PALM2AKAP2: variants seen among roughly 807,000 people sequenced by gnomAD.
PALM2AKAP2 encodes PALM2-AKAP2 fusion protein.
In PALM2AKAP2, 37 loss-of-function variants were observed where a neutral mutation model predicts 71.5. That is an observed-to-expected ratio of 0.52 (90% CI 0.40 to 0.68). The LOEUF (loss-of-function observed/expected upper bound fraction) is 0.68. PALM2AKAP2 is among the 30% of genes least tolerant of loss of function. The pLI is 0.00. For missense variants in PALM2AKAP2, 1,224 were observed against 1,191.8 expected, an observed-to-expected ratio of 1.03 and a Z score of -0.40; for synonymous variants, 468 against 478.8, an observed-to-expected ratio of 0.98 and a Z score of 0.29.
chr9:109,803,476 C>T (rs527786693), intron 1 of PALM2AKAP2, among the ~76,000 whole-genome samples: 1 of 152,184 alleles, frequency 6.6e-6, no homozygotes, highest in Non-Finnish European at 1.5e-5. Flanking sequence ...TAGGAGCCCT[C>T]AAGATCATCT....
chr9:109,994,543 T>G (rs552258369), intron 6 of PALM2AKAP2, among the ~76,000 whole-genome samples: 1 of 152,258 alleles, frequency 6.6e-6, no homozygotes, highest in African/African-American at 2.4e-5. Context: ...CCACAGCAGT[T>G]TAGACTCAAA....
chr9:109,954,699 A>C (rs1331856492), intron 6 of PALM2AKAP2, among the ~76,000 whole-genome samples: 1 of 150,054 alleles, frequency 6.7e-6, no homozygotes, highest in Non-Finnish European at 1.5e-5. Context: ...AGGTTGCAAG[A>C]TCTTAAGTGA....
intron 1 of PALM2AKAP2, among the ~76,000 whole-genome samples, chr9:110,115,911 T>C (rs1451453697): frequency 6.6e-6 from 1 of 152,224 alleles, no homozygotes; most frequent in East Asian, 1.9e-4. Context: ...AATGATTTCA[T>C]CGAAAAAGCA....
chr9:109,768,275 T>C (rs923063045), intron 1 of PALM2AKAP2, among the ~76,000 whole-genome samples: 3 of 152,152 alleles, frequency 2.0e-5, no homozygotes, highest in Non-Finnish European at 4.4e-5. Context: ...TTTTAATGTT[T>C]GTTATCTGAG....
rs548832780 is a variant in PALM2AKAP2, at chr9:109,757,498, A to G, written c.6-22990A>G. Among the ~76,000 whole-genome samples the G allele has an allele frequency of 2.0e-4, 30 of 152,276 alleles. No individual in the cohort carries two copies. The East Asian group carries it at 5.6e-3, about 28-fold the overall frequency. ...TTTGTGAAAAAATCCAAAGGCAAAG[A>G]GAGAGGCAGGTCTGCCCCATACAGA... On this transcript the variant is annotated intron_variant, in intron 1 of 6. Coordinates refer to the PALM2AKAP2 transcript ENST00000374531.
intron 6 of PALM2AKAP2, among the ~76,000 whole-genome samples, chr9:109,983,671 C>G (rs948179314): frequency 6.6e-6 from 1 of 151,902 alleles, no homozygotes; most frequent in African/African-American, 2.4e-5. Context: ...TCGAGACCAG[C>G]CTGACCAACA....
chr9:110,143,432 A>T (rs1488897935), intron 2 of PALM2AKAP2, among the ~76,000 whole-genome samples: 2 of 149,592 alleles, frequency 1.3e-5, no homozygotes, highest in Admixed American at 1.3e-4. Context: ...AAAAAAAAAA[A>T]GGAGAGAGAG....
At chr9:110,035,172 A>T (rs552573780) in intron 7 of PALM2AKAP2, among the ~76,000 whole-genome samples, 39 of 147,772 alleles carry the variant, frequency 2.6e-4, no homozygotes, top group Non-Finnish European at 5.2e-4. Context: ...ACTTTACCCA[A>T]TGTACTAAAT....
At chr9:110,103,108 C>T (rs1835038846) in intron 1 of PALM2AKAP2, among the ~76,000 whole-genome samples, 1 of 152,212 alleles carries the variant, frequency 6.6e-6, no homozygotes, top group Admixed American at 6.5e-5. Flanking sequence ...TGGAAACCTC[C>T]CCTGACCTCC....
chr9:110,012,472 G>T (rs1832901881), intron 6 of PALM2AKAP2, among the ~76,000 whole-genome samples: 1 of 152,036 alleles, frequency 6.6e-6, no homozygotes, highest in South Asian at 2.1e-4. Context: ...ATGGTCCATA[G>T]AGTTGCTTTG....
At chr9:110,167,430 C>A (rs1836763984) in intron 3 of PALM2AKAP2, among the ~76,000 whole-genome samples, 1 of 151,980 alleles carries the variant, frequency 6.6e-6, no homozygotes, top group Non-Finnish European at 1.5e-5. Flanking sequence ...TGAAATAGAA[C>A]CATTTTTCAT....
intron 6 of PALM2AKAP2, among the ~76,000 whole-genome samples, chr9:109,948,766 A>G (rs574729758): frequency 2.0e-5 from 3 of 152,228 alleles, no homozygotes. Context: ...AAGAATAGAA[A>G]TACAGAAAGA....
chr9:109,974,953 A>T (rs185611985), intron 6 of PALM2AKAP2, among the ~76,000 whole-genome samples: 196 of 152,290 alleles, frequency 1.3e-3, no homozygotes, highest in African/African-American at 4.2e-3. Flanking sequence ...ATCTCCAGGG[A>T]AATGTCTTTG....
At chr9:110,004,819 A>G (rs1832747805) in intron 6 of PALM2AKAP2, among the ~76,000 whole-genome samples, 1 of 152,166 alleles carries the variant, frequency 6.6e-6, no homozygotes, top group Non-Finnish European at 1.5e-5. Context: ...AGTTGATCGA[A>G]TTGGCTACTG....
At chr9:110,147,483 ATTG>A (rs983400850) in intron 2 of PALM2AKAP2, among the ~76,000 whole-genome samples, 44 of 152,274 alleles carry the variant, frequency 2.9e-4, no homozygotes, top group African/African-American at 1.0e-3. Flanking sequence ...AAGAGTTATT[ATTG>A]TTGTTGTCAT....
At chr9:109,695,746 C>G (rs1242637063) in intron 1 of PALM2AKAP2, among the ~76,000 whole-genome samples, 1 of 152,048 alleles carries the variant, frequency 6.6e-6, no homozygotes, top group African/African-American at 2.4e-5. Flanking sequence ...AACTGGAGGT[C>G]ATTATTTAAA....
intron 6 of PALM2AKAP2, among the ~76,000 whole-genome samples, chr9:109,966,955 T>A (rs2132136710): frequency 6.6e-6 from 1 of 152,368 alleles, no homozygotes; most frequent in Middle Eastern, 3.4e-3. Context: ...AGGATTGTTC[T>A]GGTTGTCTTT....
chr9:109,912,815 T>C (rs1435435555), intron 3 of PALM2AKAP2, among the ~76,000 whole-genome samples: 2 of 152,204 alleles, frequency 1.3e-5, no homozygotes, highest in Non-Finnish European at 2.9e-5. Flanking sequence ...CTCAGACAGA[T>C]CTGGAATTCC....
intron 1 of PALM2AKAP2, among the ~76,000 whole-genome samples, chr9:109,823,441 CCTGT>C (rs1388898568): frequency 2.6e-5 from 4 of 152,188 alleles, no homozygotes; most frequent in Non-Finnish European, 5.9e-5. Context: ...AAGTTCTTAG[CCTGT>C]CTGAGTCTTT....
Sources: gnomAD v4.1 joint callset for allele counts (sites outside exome capture counted in the v4.1 genomes callset) on GRCh38, gnomAD v4.1.1 for gene constraint, MANE v1.5 for transcripts, NCBI Gene and HGNC (gene_info 2026-07-23, HGNC 2026-07-21) for gene names.